NELL1: variants seen among roughly 807,000 people sequenced by gnomAD.
NELL1 encodes the protein neural EGFL like 1.
Under a neutral mutation model 107.4 loss-of-function variants are expected in NELL1, and 76 were observed. The ratio of observed to expected loss-of-function variants is 0.71; its 90% confidence interval spans 0.59 to 0.86. The LOEUF is 0.86. Among genes scored for constraint, NELL1 ranks in the 40% least tolerant of loss-of-function variants. The probability of loss-of-function intolerance (pLI) is 0.00; values close to 1 mark genes in which losing one functional copy is unlikely to be tolerated. For missense variants in NELL1, 1,024 were observed against 1,005.5 expected (o/e 1.02, Z -0.25); for synonymous variants, 353 against 341.2 (o/e 1.03, Z -0.38).
chr11:21,107,708 C>T (rs1258892415), intron 12 of NELL1, among the ~76,000 whole-genome samples: 2 of 152,126 alleles, frequency 1.3e-5, no homozygotes, highest in Middle Eastern at 3.2e-3. Flanking sequence ...AGAGAAGCTG[C>T]TCCAGAAGCA....
Position 20,691,391 on chromosome 11 carries a change from G to A in NELL1, c.184+13331G>A, listed in dbSNP as rs971587810. Among the ~76,000 whole-genome samples the A allele has an allele frequency of 1.5e-4, 22 of 151,220 alleles. 1 individual carries two copies. Among genetic ancestry groups the A allele is most frequent in the Non-Finnish European group, 2.5e-4 (17 of 67,830 alleles). On this transcript the variant is annotated intron_variant, in intron 2 of 19. Transcript: ENST00000357134. ...TTCAAACAGAATGCTTCCAGTTTTT[G>A]CCCATTCAGTATGATATTGGCTGTG...
intron 12 of NELL1, among the ~76,000 whole-genome samples, chr11:21,004,334 T>A (rs1167992434): frequency 6.6e-6 from 1 of 152,122 alleles, no homozygotes; most frequent in Non-Finnish European, 1.5e-5. Flanking sequence ...TAGCTAATAT[T>A]ATACATTATA....
intron 9 of NELL1, among the ~76,000 whole-genome samples, chr11:20,934,169 G>A (rs1441005543): frequency 6.6e-6 from 1 of 152,172 alleles, no homozygotes; most frequent in Non-Finnish European, 1.5e-5. Flanking sequence ...ATTAGGCATA[G>A]GAATGCAGTG....
At chr11:21,334,568 C>T (rs1850344203) in intron 14 of NELL1, among the ~76,000 whole-genome samples, 1 of 151,846 alleles carries the variant, frequency 6.6e-6, no homozygotes, top group South Asian at 2.1e-4. Context: ...CTGTTTTCCC[C>T]TATTTCTAAG....
At chr11:21,290,689 T>C (rs1171860602) in intron 14 of NELL1, among the ~76,000 whole-genome samples, 8 of 152,174 alleles carry the variant, frequency 5.3e-5, no homozygotes, top group African/African-American at 1.7e-4. Flanking sequence ...CTGCTGGTGA[T>C]ACCCAGGGAA....
intron 12 of NELL1, among the ~76,000 whole-genome samples, chr11:21,088,553 G>A (rs989754725): frequency 2.0e-5 from 3 of 152,096 alleles, no homozygotes; most frequent in Non-Finnish European, 1.5e-5. Context: ...CAACAGATTT[G>A]TATTGATAGC....
intron 12 of NELL1, among the ~76,000 whole-genome samples, chr11:21,008,929 A>G (rs1852387790): frequency 6.6e-6 from 1 of 152,152 alleles, no homozygotes; most frequent in African/African-American, 2.4e-5. Flanking sequence ...GGTTCCATCA[A>G]CTGCAGCATT....
At chr11:21,079,163 G>A (rs1854208454) in intron 12 of NELL1, among the ~76,000 whole-genome samples, 2 of 151,980 alleles carry the variant, frequency 1.3e-5, no homozygotes, top group Admixed American at 1.3e-4. Context: ...AGAATTGTGA[G>A]TGACTAGACA....
chr11:20,992,903 C>T (rs886388193), intron 12 of NELL1, among the ~76,000 whole-genome samples: 6 of 151,714 alleles, frequency 4.0e-5, no homozygotes, highest in East Asian at 3.9e-4. Flanking sequence ...TAAGTAGAGA[C>T]GGGGTTTCAC....
At chr11:21,254,247 A>T (rs1590776094) in intron 14 of NELL1, among the ~76,000 whole-genome samples, 2 of 152,232 alleles carry the variant, frequency 1.3e-5, no homozygotes, top group Non-Finnish European at 2.9e-5. Flanking sequence ...TGAAGTCAGC[A>T]TATGTTAAGT....
intron 12 of NELL1, among the ~76,000 whole-genome samples, chr11:21,073,075 T>C (rs7936706): frequency 0.41 from 62,125 of 151,926 alleles, 12,859 homozygotes; most frequent in East Asian, 0.43. Context: ...GCTGGCATTG[T>C]AGGTGTCTCG....
At chr11:21,296,033 C>G (rs1431751568) in intron 14 of NELL1, among the ~76,000 whole-genome samples, 1 of 151,928 alleles carries the variant, frequency 6.6e-6, no homozygotes, top group African/African-American at 2.4e-5. Context: ...TTAGTGCATA[C>G]ACAATAGATG....
At chr11:21,537,881 T>TA (rs1282720130) in intron 16 of NELL1, among the ~76,000 whole-genome samples, 2 of 152,082 alleles carry the variant, frequency 1.3e-5, no homozygotes, top group African/African-American at 2.4e-5. Flanking sequence ...GTCTTTTATT[T>TA]AAAAAAATGT....
rs116960216 is a variant in NELL1, at chr11:20,874,658, C to T, written c.507-10786C>T. 3.9e-4 allele frequency among the ~76,000 whole-genome samples: 59 copies of T among 152,294 alleles called. No homozygotes were observed. The East Asian group carries it at 0.011, about 29-fold the overall frequency. The stretch of plus-strand genomic sequence containing the variant: ...TCTCTCTGAGTTTGAGGCTAATTGT[C>T]CTTCATCATCTGCTGAAACACCCTT... On this transcript the variant is annotated intron_variant, in intron 4 of 19. Transcript: ENST00000357134.
chr11:21,068,029 T>TTA, intron 12 of NELL1, among the ~76,000 whole-genome samples: 1 of 24,376 alleles, frequency 4.1e-5, no homozygotes, highest in African/African-American at 2.9e-4. Flanking sequence ...TGAGATGCCA[T>TTA]CTCAAAAAAA....
intron 12 of NELL1, among the ~76,000 whole-genome samples, chr11:20,983,431 C>T (rs1851788724): frequency 6.6e-6 from 1 of 152,158 alleles, no homozygotes; most frequent in African/African-American, 2.4e-5. Context: ...GCTCAGACCA[C>T]TTGTCTAAAC....
chr11:20,835,097 T>C (rs1034109322), intron 3 of NELL1, among the ~76,000 whole-genome samples: 1 of 152,182 alleles, frequency 6.6e-6, no homozygotes, highest in Non-Finnish European at 1.5e-5. Flanking sequence ...TGTTTTTACA[T>C]TTTCCCCACT....
chr11:21,040,385 T>G (rs992071883), intron 12 of NELL1, among the ~76,000 whole-genome samples: 4 of 152,180 alleles, frequency 2.6e-5, no homozygotes, highest in Admixed American at 2.0e-4. Flanking sequence ...TTTGTTTACA[T>G]TTTGAGGAAA....
intron 16 of NELL1, among the ~76,000 whole-genome samples, chr11:21,538,910 G>A (rs1473633260): frequency 6.6e-6 from 1 of 152,046 alleles, no homozygotes; most frequent in Non-Finnish European, 1.5e-5. Flanking sequence ...TACTTTGCAT[G>A]GATACTGGAG....
Sources: gnomAD v4.1 joint callset for allele counts (sites outside exome capture counted in the v4.1 genomes callset) on GRCh38, gnomAD v4.1.1 for gene constraint, MANE v1.5 for transcripts, NCBI Gene and HGNC (gene_info 2026-07-23, HGNC 2026-07-21) for gene names.